The following PRKN variants were observed in gnomAD, a reference collection of about 807,000 sequenced individuals.
PRKN encodes the protein parkin RBR E3 ubiquitin protein ligase, also known as E3 ubiquitin-protein ligase parkin.
Under a neutral mutation model 59.5 loss-of-function variants are expected in PRKN, and 56 were observed. The ratio of observed to expected loss-of-function variants is 0.94; its 90% CI spans 0.76 to 1.18. The LOEUF (loss-of-function observed/expected upper bound fraction) is 1.18. Among genes scored for constraint, PRKN ranks in the 50% most tolerant of loss-of-function variants. The probability of loss-of-function intolerance (pLI) is 0.00; values close to 1 mark genes in which losing one functional copy is unlikely to be tolerated. For missense variants in PRKN, 657 were observed against 596.4 expected (o/e 1.10, Z -1.06); for synonymous variants, 250 against 222.1 (o/e 1.13, Z -1.12).
At position 161,457,186 on chromosome 6, in the gene PRKN, T is replaced by C. The variant is rs1790008115; in HGVS notation, c.1084-70309A>G. 6.6e-6 allele frequency among the ~76,000 whole-genome samples: 1 copy of C among 152,190 alleles called. No homozygotes were observed. The highest frequency in any genetic ancestry group is 2.4e-5 in the African/African-American group (1 of 41,452). On this transcript the variant is annotated intron_variant, in intron 9 of 11. Transcript: ENST00000366898. The surrounding 1 kb of genome is among the most constrained non-coding windows in gnomAD (Gnocchi z 5.0). ...TTTTACCAAAGTTAAACCCATGAGATTTTGTAATAAAGCCAAGGCTAATAA... is the reference window on the plus strand; with the variant it reads ...TTTTACCAAAGTTAAACCCATGAGACTTTGTAATAAAGCCAAGGCTAATAA...
intron 6 of PRKN, among the ~76,000 whole-genome samples, chr6:161,856,841 AAC>A (rs1793675834): frequency 2.6e-5 from 4 of 152,188 alleles, no homozygotes; most frequent in Admixed American, 6.5e-5. Flanking sequence ...GCTTTATATA[AAC>A]TAGAGTTTAT....
In PRKN at chr6:161,574,195, G is replaced by C. The variant is rs1419964494; in HGVS notation, c.872-4779C>G. On this transcript the variant is annotated intron_variant, in intron 7 of 11. Transcript: ENST00000366898. ...GGGACACTAGTGTGGGAAATGGCCAGATATAAACTCAGTGTGAAGATGGGG... is the reference window on the plus strand; with the variant it reads ...GGGACACTAGTGTGGGAAATGGCCACATATAAACTCAGTGTGAAGATGGGG... 2.0e-5 allele frequency among the ~76,000 whole-genome samples: 3 copies of C among 152,238 alleles called. No homozygotes were observed. In the East Asian group the frequency reaches 5.8e-4, roughly 29 times the overall value.
chr6:162,279,405 A>AAG (rs1780781794), intron 2 of PRKN, among the ~76,000 whole-genome samples: 1 of 151,594 alleles, frequency 6.6e-6, no homozygotes, highest in Non-Finnish European at 1.5e-5. Context: ...GAAAGACAGA[A>AAG]AAAGAAAGAA....
At position 162,369,847 on chromosome 6, in the gene PRKN, A is replaced by G. The variant is rs191474789; in HGVS notation, c.171+73463T>C. Among the ~76,000 whole-genome samples the G allele has an allele frequency of 7.9e-5, 12 of 152,200 alleles. 1 individual carries two copies. Among genetic ancestry groups the G allele is most frequent in the Admixed American group, 7.2e-4 (11 of 15,274 alleles). Reference sequence around the variant, plus strand: ...TAGCACTAAGGATGGCAGACCTAGGAGCTGAGTTAGCCAACCCTGAAGGTA... The same window carrying G: ...TAGCACTAAGGATGGCAGACCTAGGGGCTGAGTTAGCCAACCCTGAAGGTA... On this transcript the variant is annotated intron_variant, in intron 2 of 11. Transcript: ENST00000366898.
At chr6:161,752,649 T>C (rs936363396) in intron 7 of PRKN, among the ~76,000 whole-genome samples, 6 of 152,176 alleles carry the variant, frequency 3.9e-5, no homozygotes, top group Admixed American at 2.0e-4. Context: ...GCTATGATCA[T>C]GCCACTATAT....
intron 7 of PRKN, among the ~76,000 whole-genome samples, chr6:161,776,437 T>C (rs1236117340): frequency 6.6e-6 from 1 of 152,202 alleles, no homozygotes; most frequent in East Asian, 1.9e-4. Flanking sequence ...TTCATCAAAA[T>C]GTACTGAAAA....
intron 4 of PRKN, among the ~76,000 whole-genome samples, chr6:162,055,053 T>G (rs1390378247): frequency 6.6e-6 from 1 of 151,992 alleles, no homozygotes; most frequent in Non-Finnish European, 1.5e-5. Context: ...TCACAACTAC[T>G]CAGGAGGCCA....
At chr6:162,053,081 A>G (rs1286763167) in intron 5 of PRKN, among the ~76,000 whole-genome samples, 3 of 152,162 alleles carry the variant, frequency 2.0e-5, no homozygotes, top group Non-Finnish European at 4.4e-5. Context: ...TGAGTGACAT[A>G]CAAGTCATTA....
intron 7 of PRKN, among the ~76,000 whole-genome samples, chr6:161,594,232 C>G (rs752563352): frequency 6.6e-6 from 1 of 152,160 alleles, no homozygotes; most frequent in Non-Finnish European, 1.5e-5. Context: ...CAATTTAACA[C>G]TCTTCAAGAT....
intron 4 of PRKN, among the ~76,000 whole-genome samples, chr6:162,125,452 A>G (rs1451741782): frequency 2.0e-5 from 3 of 152,042 alleles, no homozygotes; most frequent in African/African-American, 4.8e-5. Context: ...TAGGGACAAT[A>G]TTTTTTTCCC....
intron 9 of PRKN, among the ~76,000 whole-genome samples, chr6:161,432,843 T>C (rs1384275301): frequency 6.6e-6 from 1 of 152,088 alleles, no homozygotes. Context: ...GTATTGAAAA[T>C]AACAATATTT....
chr6:162,003,781 G>A (rs531810686), intron 5 of PRKN, among the ~76,000 whole-genome samples: 21 of 152,210 alleles, frequency 1.4e-4, no homozygotes, highest in African/African-American at 4.6e-4. Flanking sequence ...TATGTATTCT[G>A]CTGTTTTGCA....
chr6:161,941,133 G>A (rs1195501130), intron 6 of PRKN, among the ~76,000 whole-genome samples: 1 of 152,196 alleles, frequency 6.6e-6, no homozygotes, highest in African/African-American at 2.4e-5. Flanking sequence ...CTGTGCCCAG[G>A]GACCTAGGTG....
chr6:162,103,524 G>C (rs796585514), intron 4 of PRKN, among the ~76,000 whole-genome samples: 1 of 151,882 alleles, frequency 6.6e-6, no homozygotes, highest in African/African-American at 2.4e-5. Context: ...GAGTAAACCA[G>C]GAATGGAACA....
chr6:161,789,140 G>C lies in PRKN; in HGVS notation c.735-3232C>G, dbSNP rs116034366. ...TATTCCTTGTAGTTTTGGAAAGTTA[G>C]GTGAGGAATAAACATGACACCAATA... On this transcript the variant is annotated intron_variant, in intron 6 of 11. Coordinates refer to ENST00000366898, the MANE Select transcript of PRKN (RefSeq NM_004562.3). 6.1e-3 allele frequency among the ~76,000 whole-genome samples: 923 copies of C among 152,172 alleles called. 16 individuals carry two copies. The highest frequency in any genetic ancestry group is 0.021 in the African/African-American group (879 of 41,490).
At chr6:162,032,603 A>G (rs1783682731) in intron 5 of PRKN, among the ~76,000 whole-genome samples, 1 of 152,174 alleles carries the variant, frequency 6.6e-6, no homozygotes, top group Admixed American at 6.5e-5. Flanking sequence ...CTCCTTGAAA[A>G]TACTGCATGA....
chr6:162,381,969 C>A (rs1001356265), intron 2 of PRKN, among the ~76,000 whole-genome samples: 5 of 152,172 alleles, frequency 3.3e-5, no homozygotes, highest in African/African-American at 9.7e-5. Flanking sequence ...TCAGGAGACA[C>A]ACAAGCAGAC....
intron 3 of PRKN, among the ~76,000 whole-genome samples, chr6:162,231,070 G>A (rs1440053761): frequency 6.6e-6 from 1 of 152,112 alleles, no homozygotes; most frequent in Non-Finnish European, 1.5e-5. Flanking sequence ...AAATTAAGAG[G>A]AAATTCGCTC....
chr6:161,389,858 T>C (rs1210680604), intron 9 of PRKN, among the ~76,000 whole-genome samples: 1 of 152,198 alleles, frequency 6.6e-6, no homozygotes, highest in Non-Finnish European at 1.5e-5. Flanking sequence ...GCTGATCAGT[T>C]TGTCAGAATA....
Sources: gnomAD v4.1 joint callset for allele counts (sites outside exome capture counted in the v4.1 genomes callset) on GRCh38, gnomAD v4.1.1 for gene constraint, Gnocchi (gnomAD v3.1) non-coding constraint, MANE v1.5 for transcripts, NCBI Gene and HGNC (gene_info 2026-07-23, HGNC 2026-07-21) for gene names.